The following SAR1A variants were observed in gnomAD, a reference collection of about 807,000 sequenced individuals.
SAR1A encodes small COPII coat GTPase SAR1A.
Under a neutral mutation model 22.6 loss-of-function variants are expected in SAR1A, and 6 were observed. The ratio of observed to expected loss-of-function variants is 0.27; its 90% confidence interval spans 0.15 to 0.52. The LOEUF (loss-of-function observed/expected upper bound fraction) is 0.52, where lower values mean the gene tolerates loss of function less well. SAR1A is among the 20% of genes least tolerant of loss of function. The pLI, the probability that SAR1A is intolerant of heterozygous loss-of-function variation, is 0.96. For missense variants in SAR1A, 145 were observed against 245.1 expected (o/e 0.59, Z 2.73); for synonymous variants, 70 against 82.2 (o/e 0.85, Z 0.80).
At chr10:70,153,298 T>C (rs1839348633) in intron 6 of SAR1A, among the ~76,000 whole-genome samples, 1 of 152,224 alleles carries the variant, frequency 6.6e-6, no homozygotes, top group Non-Finnish European at 1.5e-5. Flanking sequence ...GTAAAAACTA[T>C]TGATTTGGAA....
rs769646867 is a variant in SAR1A, at chr10:70,152,512, G to A, written c.561C>T (p.Gly187=). 4 of 1,613,958 alleles carry A rather than the reference G, an allele frequency of 2.5e-6. No homozygotes were observed. Among genetic ancestry groups the A allele is most frequent in the Non-Finnish European group, 3.4e-6 (4 of 1,179,902 alleles). ...MCSVLKRQGY[G]EGFRWLSQYI... ...ACTGGGAGAGCCAGCGGAAACCCTC[G>A]CCGTAACCTTGCCTCTTGAGCACAC... is the stretch of plus-strand genomic sequence containing the variant. The change falls in exon 7 of 7, where the codon GGC becomes GGT. Residue 187 remains glycine (G), a synonymous_variant. Transcript: ENST00000373241.
intron 4 of SAR1A, among the ~76,000 whole-genome samples, chr10:70,160,167 A>G (rs981692396): frequency 1.3e-5 from 2 of 152,224 alleles, no homozygotes; most frequent in Non-Finnish European, 2.9e-5. Context: ...AGATGAAAAA[A>G]ATGGTATAAA....
intron 1 of SAR1A, among the ~76,000 whole-genome samples, chr10:70,164,977 A>T (rs542680046): frequency 7.9e-5 from 12 of 152,362 alleles, no homozygotes; most frequent in Admixed American, 6.5e-4. Flanking sequence ...TGGATCAAGG[A>T]GTATTTTCGA....
At chr10:70,166,096 C>T (rs981492373) in intron 1 of SAR1A, among the ~76,000 whole-genome samples, 5 of 152,326 alleles carry the variant, frequency 3.3e-5, no homozygotes, top group East Asian at 3.9e-4. Flanking sequence ...TTTTCTAAGA[C>T]GTAATGCTAC....
chr10:70,161,845 G>C lies in SAR1A; in HGVS notation c.58+13C>G. 1 of 1,613,564 alleles carries C rather than the reference G, an allele frequency of 6.2e-7. No individual in the cohort carries two copies. The highest frequency in any genetic ancestry group is 8.5e-7 in the Non-Finnish European group (1 of 1,179,730). On this transcript the variant is annotated intron_variant, in intron 2 of 6. Transcript: ENST00000373241. ...CAAACTTTGAAACCTGTATTTCAAG[G>C]AAATGGCTTTACCTAGGAACTGGAG...
chr10:70,156,479 CATA>C (rs1374305611), intron 5 of SAR1A, among the ~76,000 whole-genome samples: 3 of 151,950 alleles, frequency 2.0e-5, no homozygotes, highest in African/African-American at 7.3e-5. Context: ...GCCTGGGCAA[CATA>C]ATGAGACCCT....
At position 70,150,041 on chromosome 10, in the gene SAR1A, A is replaced by T. The variant is rs1472936589; in HGVS notation, c.*2435T>A. The stretch of plus-strand genomic sequence containing the variant: ...CTAAATCTATTACTTCTAGTACCCC[A>T]GCCTTTTTCCCCCTCCTGGTGGCAA... On this transcript the variant is annotated 3_prime_UTR_variant, in exon 7 of 7. Coordinates refer to ENST00000373241, the MANE Select transcript of SAR1A (RefSeq NM_020150.5). 6.6e-6 allele frequency: 1 copy of T among 152,118 alleles called. No homozygotes were observed. Among genetic ancestry groups the T allele is most frequent in the Non-Finnish European group, 1.5e-5 (1 of 68,026 alleles). The allele number at this position is 152,118 out of a possible 1,614,324, so 9.4% of individuals were successfully genotyped here.
intron 6 of SAR1A, among the ~76,000 whole-genome samples, chr10:70,153,549 CA>C (rs1169334027): frequency 6.6e-6 from 1 of 152,174 alleles, no homozygotes; most frequent in East Asian, 1.9e-4. Context: ...AGGGCTATTT[CA>C]AAAGCAATTT....
Position 70,151,586 on chromosome 10 carries a change from G to A in SAR1A, c.*890C>T, listed in dbSNP as rs77159955. On this transcript the variant is annotated 3_prime_UTR_variant, in exon 7 of 7. Coordinates refer to ENST00000373241, the MANE Select transcript of SAR1A (RefSeq NM_020150.5). ...CTGATGCACCTGCAGTATGTGACACGAGAGATGTTCTCAACTCTTTTATGA... is the reference window on the plus strand; with the variant it reads ...CTGATGCACCTGCAGTATGTGACACAAGAGATGTTCTCAACTCTTTTATGA... 3.9e-5 allele frequency: 6 copies of A among 152,704 alleles called. No homozygotes were observed. The East Asian group carries it at 5.8e-4, about 15-fold the overall frequency. The allele number at this position is 152,704 out of a possible 1,614,324, so 9.5% of individuals were successfully genotyped here.
At chr10:70,153,645 TGATG>T (rs1469602331) in intron 6 of SAR1A, among the ~76,000 whole-genome samples, 189 bp downstream of exon 6, 1 of 152,222 alleles carries the variant, frequency 6.6e-6, no homozygotes, top group Non-Finnish European at 1.5e-5. Context: ...CTCAAATACC[TGATG>T]AATGAATCCC....
chr10:70,153,997 A>G (rs768017548), intron 5 of SAR1A, 28 bp from the exon 6 acceptor site: 1 of 1,517,134 alleles, frequency 6.6e-7, no homozygotes, highest in Non-Finnish European at 8.8e-7. Context: ...AGAAAAAAAG[A>G]AAAAAAAGAA....
intron 1 of SAR1A, among the ~76,000 whole-genome samples, chr10:70,162,532 G>C (rs1358197568): frequency 6.7e-6 from 1 of 148,410 alleles, no homozygotes; most frequent in African/African-American, 2.5e-5. Flanking sequence ...GGGGAGGGGA[G>C]GAAGCAAAGT....
chr10:70,169,107 G>A (rs1180773404), intron 1 of SAR1A, among the ~76,000 whole-genome samples: 2 of 152,106 alleles, frequency 1.3e-5, no homozygotes, highest in Admixed American at 6.5e-5. Flanking sequence ...CATTTAACAA[G>A]ATAAAGATGA....
chr10:70,159,189 C>A (rs1248525203), intron 4 of SAR1A, among the ~76,000 whole-genome samples: 2 of 152,108 alleles, frequency 1.3e-5, no homozygotes, highest in Non-Finnish European at 2.9e-5. Context: ...TCAAAACACA[C>A]CCCTTGTCAA....
chr10:70,164,580 GT>G (rs1435199197), intron 1 of SAR1A, among the ~76,000 whole-genome samples: 2 of 152,104 alleles, frequency 1.3e-5, no homozygotes, highest in African/African-American at 4.8e-5. Flanking sequence ...CTCACACACT[GT>G]TTTTTCTGTA....
chr10:70,158,842 TTTG>T (rs1308512371), intron 4 of SAR1A, among the ~76,000 whole-genome samples: 3 of 151,962 alleles, frequency 2.0e-5, no homozygotes, highest in Admixed American at 6.5e-5. Context: ...TAAAAGTGTT[TTTG>T]TTAAGTAGAT....
At position 70,161,843 on chromosome 10, in the gene SAR1A, A is replaced by C; in HGVS notation, c.58+15T>G. On this transcript the variant is annotated intron_variant, in intron 2 of 6. Coordinates refer to ENST00000373241, the MANE Select transcript of SAR1A (RefSeq NM_020150.5). Reference sequence around the variant, plus strand: ...CACAAACTTTGAAACCTGTATTTCAAGGAAATGGCTTTACCTAGGAACTGG... The same window carrying C: ...CACAAACTTTGAAACCTGTATTTCACGGAAATGGCTTTACCTAGGAACTGG... 2.5e-6 allele frequency: 4 copies of C among 1,613,702 alleles called. No individual in the cohort carries two copies. The highest frequency in any genetic ancestry group is 3.4e-6 in the Non-Finnish European group (4 of 1,179,784).
intron 6 of SAR1A, among the ~76,000 whole-genome samples, chr10:70,153,319 C>A (rs960866285): frequency 6.6e-6 from 1 of 152,156 alleles, no homozygotes; most frequent in African/African-American, 2.4e-5. Context: ...GACTCAAGTT[C>A]TTTTTCTGGT....
At chr10:70,168,606 G>T (rs1366985264) in intron 1 of SAR1A, among the ~76,000 whole-genome samples, 1 of 151,950 alleles carries the variant, frequency 6.6e-6, no homozygotes, top group East Asian at 1.9e-4. Flanking sequence ...AAAAAAGAAA[G>T]AAAGAAAAAT....
Sources: allele counts gnomAD v4.1 joint callset (sites outside exome capture counted in the v4.1 genomes callset), GRCh38; gene constraint gnomAD v4.1.1; transcripts MANE v1.5; gene names NCBI Gene and HGNC (gene_info 2026-07-23, HGNC 2026-07-21).